Variants in CHMP4C observed in about 807,000 individuals in gnomAD.
CHMP4C encodes the protein SNF7 homolog associated with Alix 3.
In CHMP4C, 28 loss-of-function variants were observed where a neutral mutation model predicts 29.0. The ratio of observed to expected loss-of-function variants is 0.97; its 90% CI spans 0.72 to 1.32. The LOEUF (loss-of-function observed/expected upper bound fraction) is 1.32. Among genes scored for constraint, CHMP4C ranks in the 40% most tolerant of loss-of-function variants. The pLI is 0.00. For missense variants in CHMP4C, 291 were observed against 281.0 expected, an observed-to-expected ratio of 1.04 and a Z score of -0.25; for synonymous variants, 106 against 102.4, an observed-to-expected ratio of 1.04 and a Z score of -0.21.
At chr8:81,748,247 C>T (rs548991938) in intron 1 of CHMP4C, among the ~76,000 whole-genome samples, 6 of 152,276 alleles carry the variant, frequency 3.9e-5, no homozygotes, top group Admixed American at 2.0e-4. Flanking sequence ...TTCCAAGGGG[C>T]TCAGATTTCA....
chr8:81,732,784 T>C lies in CHMP4C; in HGVS notation c.158T>C (p.Leu53Pro). The part of the protein sequence containing the change: ...LENRIQREIA[L>P]AKKHGTQNKR... Reference sequence around the variant, plus strand: ...AATCGAATCCAGAGAGAAATCGCCCTGGCCAAGAAGCACGGCACGCAGAAT... The same window carrying C: ...AATCGAATCCAGAGAGAAATCGCCCCGGCCAAGAAGCACGGCACGCAGAAT... Residue 53 changes from leucine (L) to proline (P), a missense_variant, in exon 1 of 5, where the codon CTG (leucine) becomes CCG (proline). Coordinates refer to ENST00000297265, the MANE Select transcript of CHMP4C (RefSeq NM_152284.4). 1 of 1,612,362 alleles carries C rather than the reference T, an allele frequency of 6.2e-7. No individual in the cohort carries two copies. Among genetic ancestry groups the C allele is most frequent in the Non-Finnish European group, 8.5e-7 (1 of 1,179,328 alleles).
intron 1 of CHMP4C, among the ~76,000 whole-genome samples, chr8:81,743,738 T>C (rs1808791447): frequency 6.6e-6 from 1 of 152,154 alleles, no homozygotes; most frequent in African/African-American, 2.4e-5. Context: ...TTTTAAATAT[T>C]CTCTTGCGTG....
intron 3 of CHMP4C, among the ~76,000 whole-genome samples, chr8:81,757,258 T>TAATG (rs774854984): frequency 7.9e-5 from 12 of 152,202 alleles, no homozygotes; most frequent in Non-Finnish European, 1.6e-4. Context: ...ATTTGTTGAA[T>TAATG]AATGAATGAA....
At chr8:81,755,808 A>G (rs1808965443) in intron 3 of CHMP4C, among the ~76,000 whole-genome samples, 1 of 152,206 alleles carries the variant, frequency 6.6e-6, no homozygotes, top group Non-Finnish European at 1.5e-5. Flanking sequence ...GGCAAAACAA[A>G]GTAGACTTCG....
In CHMP4C at chr8:81,758,737, C is replaced by CGG. The variant is rs1192467196; in HGVS notation, c.*194_*195dup. 1.8e-6 allele frequency: 1 copy of CGG among 564,274 alleles called. No individual in the cohort carries two copies. The highest frequency in any genetic ancestry group is 3.0e-5 in the East Asian group (1 of 33,814). The allele number at this position is 564,274 out of a possible 1,614,324, so 35.0% of individuals were successfully genotyped here. A position where few individuals can be genotyped will look rare whatever the true frequency, so the allele number is the denominator to read the frequency against. On this transcript the variant is annotated 3_prime_UTR_variant, in exon 5 of 5. Coordinates refer to ENST00000297265, the MANE Select transcript of CHMP4C (RefSeq NM_152284.4). ...TAGAATCAGTGATGGAGGCCAGGCA[C>CGG]GGTATCTCATGCCTATAATCCCAGC...
rs1041790597 is a variant in CHMP4C, at chr8:81,753,252, C to G, written c.368+11C>G. ...TGTTCATGAAAACATGTGAGTGACTCTGGTCTCCCTCTGAATCATAAATTC... is the reference window on the plus strand; with the variant it reads ...TGTTCATGAAAACATGTGAGTGACTGTGGTCTCCCTCTGAATCATAAATTC... On this transcript the variant is annotated intron_variant, in intron 2 of 4. Transcript: ENST00000297265. 1 of 1,574,062 alleles carries G rather than the reference C, an allele frequency of 6.4e-7. No homozygotes were observed. Among genetic ancestry groups the G allele is most frequent in the African/African-American group, 1.4e-5 (1 of 73,692 alleles).
chr8:81,733,402 G>T (rs1373415529), intron 1 of CHMP4C, among the ~76,000 whole-genome samples: 1 of 151,940 alleles, frequency 6.6e-6, no homozygotes, highest in Non-Finnish European at 1.5e-5. Context: ...CTGTATGTTT[G>T]TATATTAAAT....
chr8:81,740,408 A>G (rs75877630), intron 1 of CHMP4C, among the ~76,000 whole-genome samples: 3,555 of 152,308 alleles, frequency 0.023, 133 homozygotes, highest in African/African-American at 0.081. Context: ...TCTCGCTCCT[A>G]TGAGAATGTA....
chr8:81,736,448 G>A (rs995761626), intron 1 of CHMP4C, among the ~76,000 whole-genome samples: 4 of 152,148 alleles, frequency 2.6e-5, no homozygotes, highest in African/African-American at 9.6e-5. Flanking sequence ...CACTGGGCCT[G>A]GCCTAATTGG....
rs1239142467 is a variant in CHMP4C at position 81,758,554 on chromosome 8, C to A, written c.*10C>A. ...AGCTTGGGCTACCTAAACTAAAACA[C>A]ATTTTTGATACCTAAATTAATGAGC... On this transcript the variant is annotated 3_prime_UTR_variant, in exon 5 of 5. Coordinates refer to ENST00000297265, the MANE Select transcript of CHMP4C (RefSeq NM_152284.4). 1 of 1,564,576 alleles carries A rather than the reference C, an allele frequency of 6.4e-7. No homozygotes were observed. Among genetic ancestry groups the A allele is most frequent in the African/African-American group, 1.4e-5 (1 of 74,034 alleles).
intron 1 of CHMP4C, among the ~76,000 whole-genome samples, chr8:81,746,009 T>C (rs1808819010): frequency 2.0e-5 from 3 of 152,158 alleles, no homozygotes. Flanking sequence ...CTTTCCCAAG[T>C]TGTTTATTAG....
At chr8:81,757,248 AT>A (rs1409395023) in intron 3 of CHMP4C, among the ~76,000 whole-genome samples, 1 of 152,166 alleles carries the variant, frequency 6.6e-6, no homozygotes, top group Non-Finnish European at 1.5e-5. Flanking sequence ...TGCTCAATGA[AT>A]TTGTTGAATA....
intron 1 of CHMP4C, among the ~76,000 whole-genome samples, chr8:81,747,301 G>C (rs1808837485): frequency 6.6e-6 from 1 of 150,710 alleles, no homozygotes; most frequent in South Asian, 2.1e-4. Flanking sequence ...TTTTTACTAA[G>C]AAATATGACA....
chr8:81,736,834 A>G (rs1050606554), intron 1 of CHMP4C, among the ~76,000 whole-genome samples: 1 of 152,190 alleles, frequency 6.6e-6, no homozygotes. Context: ...TTAATAATGT[A>G]TATGCAGAAT....
rs1467486758 is a variant in CHMP4C at position 81,755,369 on chromosome 8, G to C, written c.369-1G>C. 1.3e-6 allele frequency: 2 copies of C among 1,548,650 alleles called. No homozygotes were observed. Among genetic ancestry groups the C allele is most frequent in the African/African-American group, 1.4e-5 (1 of 73,616 alleles). On this transcript the variant is annotated splice_acceptor_variant, in intron 2 of 4. Transcript: ENST00000297265. LOFTEE classifies it high-confidence loss of function. ...ATGTTCAACAAAATATGATTTCCCA[G>C]GGATCTGAACAAAATAGATGATTTG...
chr8:81,748,298 C>T (rs1483729328), intron 1 of CHMP4C, among the ~76,000 whole-genome samples: 8 of 152,060 alleles, frequency 5.3e-5, no homozygotes, highest in East Asian at 3.9e-4. Flanking sequence ...GTGCAGTTAA[C>T]GCAAATATCA....
intron 3 of CHMP4C, among the ~76,000 whole-genome samples, 170 bp from the exon 4 acceptor site, chr8:81,757,971 AT>A (rs967329027): frequency 6.6e-6 from 1 of 152,302 alleles, no homozygotes; most frequent in East Asian, 1.9e-4. Context: ...CAGAATATTC[AT>A]TTTTTAATCA....
chr8:81,752,896 A>G (rs1808922274), intron 1 of CHMP4C, among the ~76,000 whole-genome samples, 168 bp from the exon 2 acceptor site: 1 of 152,168 alleles, frequency 6.6e-6, no homozygotes, highest in African/African-American at 2.4e-5. Flanking sequence ...ACTAGTTGGT[A>G]TAGGTAATTG....
rs1585948175 is a variant in CHMP4C at position 81,755,462 on chromosome 8, G to T, written c.461G>T (p.Gly154Val). 1.2e-6 allele frequency: 2 copies of T among 1,611,118 alleles called. No individual in the cohort carries two copies. The highest frequency in any genetic ancestry group is 1.7e-6 in the Non-Finnish European group (2 of 1,177,788). The change falls in exon 3 of 5, where the codon GGC (glycine) becomes GTC (valine). Residue 154 changes from glycine (G) to valine (V), a missense_variant. By Grantham distance (109) the Gly-to-Val change is moderately radical. Transcript: ENST00000297265. ...EISEAFSQRV[G>V]FGDDFDEDEL... ...TCAGAAGCATTTTCTCAACGGGTTG[G>T]CTTTGGTGATGACTTTGATGAGGTA... is the stretch of plus-strand genomic sequence containing the variant.
Sources: allele counts gnomAD v4.1 joint callset (sites outside exome capture counted in the v4.1 genomes callset), GRCh38; gene constraint gnomAD v4.1.1; transcripts MANE v1.5; gene names NCBI Gene and HGNC (gene_info 2026-07-23, HGNC 2026-07-21).